The following MAP1B variants were observed in gnomAD, a reference collection of about 807,000 sequenced individuals.
MAP1B encodes microtubule associated protein 1B.
In MAP1B, 12 loss-of-function variants were observed where a neutral mutation model predicts 176.1. The observed-to-expected ratio is 0.07, with a 90% confidence interval of 0.04 to 0.11. The LOEUF (loss-of-function observed/expected upper bound fraction) is 0.11, where lower values mean the gene tolerates loss of function less well. MAP1B is among the 10% of genes least tolerant of loss of function. The probability of loss-of-function intolerance (pLI) is 1.00; values close to 1 mark genes in which losing one functional copy is unlikely to be tolerated. For missense variants in MAP1B, 2,523 were observed against 2,990.5 expected (o/e 0.84, Z 3.65); for synonymous variants, 1,044 against 1,135.0 (o/e 0.92, Z 1.61).
chr5:72,168,913 A>G (rs1351026362), intron 2 of MAP1B, among the ~76,000 whole-genome samples: 1 of 152,260 alleles, frequency 6.6e-6, no homozygotes, highest in Non-Finnish European at 1.5e-5. Flanking sequence ...TATATGGCCC[A>G]GAACTTAATT....
intron 2 of MAP1B, among the ~76,000 whole-genome samples, chr5:72,134,062 T>G (rs1745786701): frequency 6.6e-6 from 1 of 152,246 alleles, no homozygotes; most frequent in Non-Finnish European, 1.5e-5. Flanking sequence ...GTGAACACCT[T>G]ATGAATGAGG....
chr5:72,158,070 C>G (rs772829580), intron 2 of MAP1B, among the ~76,000 whole-genome samples: 50 of 145,592 alleles, frequency 3.4e-4, no homozygotes, highest in Non-Finnish European at 5.4e-4. Context: ...TGCAGTGGCA[C>G]GATCTCAGCT....
At chr5:72,152,237 TG>T (rs888116444) in intron 2 of MAP1B, among the ~76,000 whole-genome samples, 11 of 152,242 alleles carry the variant, frequency 7.2e-5, no homozygotes, top group African/African-American at 1.9e-4. Context: ...AAAAAGTAGA[TG>T]TTTTTTTCCT....
intron 2 of MAP1B, among the ~76,000 whole-genome samples, chr5:72,139,856 C>G (rs1745914340): frequency 6.6e-6 from 1 of 152,170 alleles, no homozygotes; most frequent in Non-Finnish European, 1.5e-5. Flanking sequence ...GGCAGCAGAT[C>G]TTTATCCTGT....
At chr5:72,163,394 G>C (rs757772796) in intron 2 of MAP1B, among the ~76,000 whole-genome samples, 24 of 152,086 alleles carry the variant, frequency 1.6e-4, no homozygotes, top group Non-Finnish European at 3.1e-4. Flanking sequence ...ATGTGTGATT[G>C]CCTCTAGCCC....
At chr5:72,116,570 C>T (rs892153894) in intron 2 of MAP1B, 6 of 278,348 alleles carry the variant, frequency 2.2e-5, no homozygotes, top group Non-Finnish European at 3.5e-5. Context: ...TGACCCATCT[C>T]GTCTTCTTCT....
chr5:72,109,466 A>G (rs1745269977), intron 1 of MAP1B, among the ~76,000 whole-genome samples: 1 of 152,206 alleles, frequency 6.6e-6, no homozygotes, highest in South Asian at 2.1e-4. Context: ...TATTGTGGGA[A>G]TCAATGACTT....
chr5:72,160,541 G>A (rs1171436172), intron 2 of MAP1B, among the ~76,000 whole-genome samples: 3 of 152,070 alleles, frequency 2.0e-5, no homozygotes, highest in Admixed American at 6.6e-5. Context: ...GTTGTTCCAT[G>A]GTGTCTTCTG....
intron 2 of MAP1B, among the ~76,000 whole-genome samples, chr5:72,164,800 T>C (rs886236788): frequency 2.0e-5 from 3 of 152,340 alleles, no homozygotes; most frequent in South Asian, 2.1e-4. Context: ...TGAACATTGC[T>C]TTCCCTGCGT....
At position 72,195,752 on chromosome 5, in the gene MAP1B, C is replaced by T. The variant is rs377126427; in HGVS notation, c.2397C>T (p.Val799=). ...GKAAEAVAAA[V]GTGATTAAVM... Reference sequence around the variant, plus strand: ...CCGCAGAGGCTGTCGCTGCAGCTGTCGGCACTGGAGCCACCACAGCAGCTG... The same window carrying T: ...CCGCAGAGGCTGTCGCTGCAGCTGTTGGCACTGGAGCCACCACAGCAGCTG... The change falls in exon 5 of 7, where the codon GTC becomes GTT. Residue 799 remains valine (V), a synonymous_variant. Coordinates refer to ENST00000296755, the MANE Select transcript of MAP1B (RefSeq NM_005909.5). 3.8e-5 allele frequency: 62 copies of T among 1,614,082 alleles called. No individual in the cohort carries two copies. The highest frequency in any genetic ancestry group is 1.6e-4 in the Middle Eastern group (1 of 6,084).
rs892948621 is a variant in MAP1B at position 72,107,795 on chromosome 5, G to A, written c.184+80G>A. On this transcript the variant is annotated intron_variant, in intron 1 of 6. Transcript: ENST00000296755. ...CCACCCAGGGCGCGACGGTCACTGC[G>A]CTCCTCCCGCGCGCCCCGCACCCAT... 27 of 1,457,462 alleles carry A rather than the reference G, an allele frequency of 1.9e-5. No individual in the cohort carries two copies. The African/African-American group carries it at 3.1e-4, about 17-fold the overall frequency. The allele number at this position is 1,457,462 out of a possible 1,614,324, so 90.3% of individuals were successfully genotyped here.
At chr5:72,193,169 C>G (rs969291584) in intron 4 of MAP1B, 4 of 321,970 alleles carry the variant, frequency 1.2e-5, no homozygotes, top group Non-Finnish European at 2.5e-5. Context: ...TTTCAATCAG[C>G]GTGCACTGAT....
chr5:72,150,367 AC>A (rs1746119596), intron 2 of MAP1B, among the ~76,000 whole-genome samples: 1 of 152,228 alleles, frequency 6.6e-6, no homozygotes, highest in Non-Finnish European at 1.5e-5. Context: ...AGCATCACCG[AC>A]TGGCTGCAAG....
At chr5:72,190,687 A>C (rs1747007331) in intron 4 of MAP1B, among the ~76,000 whole-genome samples, 1 of 152,230 alleles carries the variant, frequency 6.6e-6, no homozygotes, top group Admixed American at 6.5e-5. Flanking sequence ...GAGGCAGCCC[A>C]TCATAGACCT....
intron 6 of MAP1B, 83 bp from the exon 7 acceptor site, chr5:72,205,001 G>C (rs1487288157): frequency 9.3e-7 from 1 of 1,073,860 alleles, no homozygotes; most frequent in Non-Finnish European, 1.4e-6. Flanking sequence ...TCTTCCAGTG[G>C]TCTAATACCT....
chr5:72,153,450 A>G (rs752932020), intron 2 of MAP1B, among the ~76,000 whole-genome samples: 50 of 152,028 alleles, frequency 3.3e-4, no homozygotes, highest in Non-Finnish European at 5.4e-4. Context: ...GTCTCTTGCC[A>G]TTTCTGTGGA....
At chr5:72,148,989 C>A (rs1454630091) in intron 2 of MAP1B, among the ~76,000 whole-genome samples, 1 of 152,190 alleles carries the variant, frequency 6.6e-6, no homozygotes, top group African/African-American at 2.4e-5. Context: ...TAATTTAGGT[C>A]CCCTGTTATG....
Position 72,199,718 on chromosome 5 carries a change from G to T in MAP1B, c.6363G>T (p.Lys2121Asn), listed in dbSNP as rs778012624. 1.2e-6 allele frequency: 2 copies of T among 1,614,082 alleles called. No individual in the cohort carries two copies. The highest frequency in any genetic ancestry group is 1.1e-5 in the South Asian group (1 of 91,078). Residue 2121 changes from lysine (K) to asparagine (N), a missense_variant, in exon 5 of 7, where the codon AAG (lysine) becomes AAT (asparagine). Lys to Asn is a moderately conservative substitution (Grantham distance 94). This residue lies in a region of MAP1B where 1,925 missense variants were observed against 2,126.0 expected (regional missense o/e 0.91). Transcript: ENST00000296755. This position sits in a 1 kb window ranked among gnomAD's most constrained non-coding sequence, Gnocchi z 4.2. The part of the protein sequence containing the change: ...ASEEPTEESE[K>N]PLTQSGGAPP... Reference sequence around the variant, plus strand: ...AAGAACCCACTGAAGAATCTGAAAAGCCCCTCACTCAATCAGGGGGAGCCC... The same window carrying T: ...AAGAACCCACTGAAGAATCTGAAAATCCCCTCACTCAATCAGGGGGAGCCC...
chr5:72,132,467 T>C lies in MAP1B; in HGVS notation c.286+16668T>C, dbSNP rs145468625. On this transcript the variant is annotated intron_variant, in intron 2 of 6. Transcript: ENST00000296755. ...TTAGATCTCATCCTCCAACTCATCA[T>C]TTCCTCTTCGATCTTCTTCTGTGTA... Among the ~76,000 whole-genome samples the C allele has an allele frequency of 2.2e-3, 330 of 152,318 alleles. 1 individual carries two copies. Among genetic ancestry groups the C allele is most frequent in the African/African-American group, 7.4e-3 (308 of 41,572 alleles).
Sources: gnomAD v4.1 joint callset for allele counts (sites outside exome capture counted in the v4.1 genomes callset) on GRCh38, gnomAD v4.1.1 for gene constraint, gnomAD v4.1.1 regional missense constraint, Gnocchi (gnomAD v3.1) non-coding constraint, MANE v1.5 for transcripts, NCBI Gene and HGNC (gene_info 2026-07-23, HGNC 2026-07-21) for gene names.